The following LSAMP variants were observed in gnomAD, a reference collection of about 807,000 sequenced individuals.
LSAMP encodes limbic system-associated membrane protein.
A neutral mutation model predicts 38.6 loss-of-function variants in LSAMP; 7 were observed. The observed-to-expected ratio is 0.18, with a 90% CI of 0.10 to 0.34. The LOEUF is 0.34. Among genes scored for constraint, LSAMP ranks in the 10% least tolerant of loss-of-function variants. The probability of loss-of-function intolerance (pLI) is 1.00; values close to 1 mark genes in which losing one functional copy is unlikely to be tolerated. For synonymous variants in LSAMP, 154 were observed against 166.8 expected, an observed-to-expected ratio of 0.92 and a Z score of 0.59; for missense variants, 313 against 420.0, an observed-to-expected ratio of 0.75 and a Z score of 2.23.
At chr3:116,192,292 A>G (rs1188626403) in intron 1 of LSAMP, among the ~76,000 whole-genome samples, 2 of 152,202 alleles carry the variant, frequency 1.3e-5, no homozygotes, top group Non-Finnish European at 2.9e-5. Flanking sequence ...AGGAGTAAAC[A>G]TAAGAATTGG....
chr3:116,289,799 C>T (rs934325450), intron 1 of LSAMP, among the ~76,000 whole-genome samples: 3 of 152,092 alleles, frequency 2.0e-5, no homozygotes, highest in Admixed American at 2.0e-4. Context: ...AAAATTAACT[C>T]GATATGCTTA....
At chr3:116,133,126 C>T (rs1054139927) in intron 1 of LSAMP, among the ~76,000 whole-genome samples, 10 of 152,214 alleles carry the variant, frequency 6.6e-5, no homozygotes, top group African/African-American at 1.2e-4. Context: ...CACTTGCCTT[C>T]TTGTTCAATC....
chr3:116,264,375 G>A (rs2046868242), intron 1 of LSAMP, among the ~76,000 whole-genome samples: 1 of 152,310 alleles, frequency 6.6e-6, no homozygotes, highest in Non-Finnish European at 1.5e-5. Flanking sequence ...GTAGCCTTAT[G>A]ATGTTTCCCA....
At chr3:116,052,465 G>GTTTATATAAAAA (rs1941413953) in intron 2 of LSAMP, among the ~76,000 whole-genome samples, 1 of 152,082 alleles carries the variant, frequency 6.6e-6, no homozygotes, top group South Asian at 2.1e-4. Flanking sequence ...GAAGACAATC[G>GTTTATATAAAAA]TATAAAATTT....
intron 1 of LSAMP, among the ~76,000 whole-genome samples, chr3:116,322,071 G>A (rs528440208): frequency 6.6e-6 from 1 of 152,248 alleles, no homozygotes; most frequent in South Asian, 2.1e-4. Flanking sequence ...GTTCACTGAA[G>A]CAAAACTATG....
intron 1 of LSAMP, among the ~76,000 whole-genome samples, chr3:116,135,837 T>A (rs1233723342): frequency 1.3e-5 from 2 of 152,170 alleles, no homozygotes; most frequent in Non-Finnish European, 2.9e-5. Context: ...TAATTTCTCA[T>A]CCTTCCTTGT....
rs375248118 is a variant in LSAMP, at chr3:115,824,227, T to C, written c.920-13813A>G. Among the ~76,000 whole-genome samples, 19 of 152,340 alleles carry C rather than the reference T, an allele frequency of 1.2e-4. No individual in the cohort carries two copies. In the South Asian group the frequency reaches 3.5e-3, roughly 28 times the overall value. ...AGATAAATCCCAGAAGTAAATTTAT[T>C]TGGATCAGCTGTCAGTAAGGTACTC... is the stretch of plus-strand genomic sequence containing the variant. On this transcript the variant is annotated intron_variant, in intron 6 of 6. Coordinates refer to ENST00000490035, the MANE Select transcript of LSAMP (RefSeq NM_002338.5).
chr3:116,256,816 C>T (rs1300277594), intron 1 of LSAMP, among the ~76,000 whole-genome samples: 2 of 150,594 alleles, frequency 1.3e-5, no homozygotes, highest in African/African-American at 4.9e-5. Flanking sequence ...AGGATGAATC[C>T]GATAAATCAG....
At chr3:116,332,619 AG>A (rs2047865620) in intron 1 of LSAMP, among the ~76,000 whole-genome samples, 1 of 152,148 alleles carries the variant, frequency 6.6e-6, no homozygotes, top group South Asian at 2.1e-4. Flanking sequence ...AGTAGCAAAA[AG>A]ATAGAAGTAA....
chr3:116,234,828 G>A (rs1389409016), intron 1 of LSAMP, among the ~76,000 whole-genome samples: 2 of 152,006 alleles, frequency 1.3e-5, no homozygotes, highest in Non-Finnish European at 2.9e-5. Context: ...GAAGTGGAAT[G>A]TACCTCCCAA....
intron 6 of LSAMP, among the ~76,000 whole-genome samples, chr3:115,830,156 T>A (rs1035790674): frequency 1.3e-5 from 2 of 152,202 alleles, no homozygotes; most frequent in African/African-American, 4.8e-5. Context: ...TCAGCCTGAA[T>A]AAGTGTGTGA....
chr3:115,842,008 A>C lies in LSAMP; in HGVS notation c.771-15T>G, dbSNP rs757741147. 1.1e-5 allele frequency: 17 copies of C among 1,602,890 alleles called. No individual in the cohort carries two copies. In the South Asian group the frequency reaches 1.9e-4, roughly 18 times the overall value. ...CACTATTTATCCTAAGAGTTCAAAAACAGAAGAATAGAAAGGATCACTGGT... is the reference window on the plus strand; with the variant it reads ...CACTATTTATCCTAAGAGTTCAAAACCAGAAGAATAGAAAGGATCACTGGT... On this transcript the variant is annotated splice_polypyrimidine_tract_variant and intron_variant, in intron 5 of 6. Coordinates refer to ENST00000490035, the MANE Select transcript of LSAMP (RefSeq NM_002338.5).
intron 1 of LSAMP, among the ~76,000 whole-genome samples, chr3:116,353,230 T>C (rs189771253): frequency 4.6e-5 from 7 of 152,002 alleles, no homozygotes; most frequent in Admixed American, 2.0e-4. Context: ...TATGACGAAG[T>C]TATAAAAAGG....
intron 6 of LSAMP, among the ~76,000 whole-genome samples, chr3:115,825,180 C>A (rs1300269047): frequency 2.6e-5 from 4 of 152,118 alleles, no homozygotes; most frequent in African/African-American, 7.2e-5. Context: ...TTTAAAGCTC[C>A]TGGAAATAAG....
intron 2 of LSAMP, among the ~76,000 whole-genome samples, chr3:116,064,309 T>G (rs1212327988): frequency 1.3e-5 from 2 of 152,136 alleles, no homozygotes; most frequent in Admixed American, 1.3e-4. Flanking sequence ...GCATATCACC[T>G]AAGGTCAGGA....
intron 3 of LSAMP, among the ~76,000 whole-genome samples, chr3:115,970,087 A>G (rs920067031): frequency 6.6e-6 from 1 of 152,198 alleles, no homozygotes; most frequent in Admixed American, 6.5e-5. Context: ...TTGAGGGCGA[A>G]AGGACAGAAA....
intron 3 of LSAMP, among the ~76,000 whole-genome samples, chr3:115,871,370 A>G (rs1470046371): frequency 6.6e-6 from 1 of 152,132 alleles, no homozygotes; most frequent in African/African-American, 2.4e-5. Flanking sequence ...ACAGGGAATC[A>G]GAAGACAATC....
chr3:115,840,976 T>C (rs1321436112), intron 6 of LSAMP, among the ~76,000 whole-genome samples: 2 of 152,256 alleles, frequency 1.3e-5, no homozygotes, highest in African/African-American at 4.8e-5. Context: ...TGTGTCTCTA[T>C]TCCAGATGTT....
chr3:116,389,698 A>C (rs535352568), intron 1 of LSAMP, among the ~76,000 whole-genome samples: 3 of 152,198 alleles, frequency 2.0e-5, no homozygotes, highest in Non-Finnish European at 2.9e-5. Context: ...TGCCCATGAA[A>C]TGTCCAGTGG....
Sources: gnomAD v4.1 joint callset for allele counts (sites outside exome capture counted in the v4.1 genomes callset) on GRCh38, gnomAD v4.1.1 for gene constraint, MANE v1.5 for transcripts, NCBI Gene and HGNC (gene_info 2026-07-23, HGNC 2026-07-21) for gene names.